CPS1: variants seen among roughly 807,000 people sequenced by gnomAD.
The protein encoded by CPS1 is carbamoyl-phosphate synthase [ammonia], mitochondrial.
A neutral mutation model predicts 174.6 loss-of-function variants in CPS1; 109 were observed. That is an observed-to-expected ratio of 0.62 (90% CI 0.53 to 0.73). The LOEUF is 0.73. Ranked by LOEUF, CPS1 falls within the 30% of genes least tolerant of loss-of-function variation. The pLI is 0.00. For synonymous variants in CPS1, 637 were observed against 632.0 expected, an observed-to-expected ratio of 1.01 and a Z score of -0.12; for missense variants, 1,689 against 1,821.9, an observed-to-expected ratio of 0.93 and a Z score of 1.33.
At chr2:210,518,018 A>T (rs570053619) in intron 1 of CPS1, among the ~76,000 whole-genome samples, 11 of 152,086 alleles carry the variant, frequency 7.2e-5, no homozygotes, top group African/African-American at 2.6e-4. Flanking sequence ...GTAGCAGTAG[A>T]TTGCTGTTGG....
intron 1 of CPS1, among the ~76,000 whole-genome samples, chr2:210,538,914 A>C (rs1345460239): frequency 6.6e-6 from 1 of 152,076 alleles, no homozygotes; most frequent in African/African-American, 2.4e-5. Flanking sequence ...TCAGAGGAAA[A>C]ATTTATTACT....
intron 24 of CPS1, among the ~76,000 whole-genome samples, chr2:210,641,930 C>G (rs569245881): frequency 1.3e-5 from 2 of 152,180 alleles, no homozygotes; most frequent in Non-Finnish European, 2.9e-5. Context: ...GAAGGTCACT[C>G]ACTCTGCATG....
At chr2:210,535,178 C>T (rs1696214211) in intron 1 of CPS1, among the ~76,000 whole-genome samples, 1 of 152,206 alleles carries the variant, frequency 6.6e-6, no homozygotes, top group Admixed American at 6.5e-5. Flanking sequence ...TTAAGCTCAT[C>T]TGCCTGAAAC....
chr2:210,589,778 G>A (rs1698223503), intron 7 of CPS1, among the ~76,000 whole-genome samples: 1 of 151,890 alleles, frequency 6.6e-6, no homozygotes, highest in South Asian at 2.1e-4. Context: ...TCCCACCTCA[G>A]TTTTCTGGGT....
At position 210,594,740 on chromosome 2, in the gene CPS1, A is replaced by AT. The variant is rs368109103; in HGVS notation, c.1263+138dup. 43 of 687,418 alleles carry AT rather than the reference A, an allele frequency of 6.3e-5. 1 individual carries two copies. In the African/African-American group the frequency reaches 6.8e-4, roughly 11 times the overall value. 42.6% of individuals were successfully genotyped at this position (687,418 alleles called of 1,614,324 possible). ...ACTGGTAATATTGTAATAGACTGTC[A>AT]TTTTGTAACTAATTATTTGGTTCCT... is the stretch of plus-strand genomic sequence containing the variant. On this transcript the variant is annotated intron_variant, in intron 12 of 37. Coordinates refer to ENST00000233072, the MANE Select transcript of CPS1 (RefSeq NM_001875.5).
chr2:210,606,562 CAG>C (rs1292808122), intron 17 of CPS1, among the ~76,000 whole-genome samples, 167 bp from the exon 18 acceptor site: 1 of 151,758 alleles, frequency 6.6e-6, no homozygotes, highest in Non-Finnish European at 1.5e-5. Flanking sequence ...AGTACTGTAT[CAG>C]AGTAATATGG....
intron 1 of CPS1, among the ~76,000 whole-genome samples, chr2:210,541,338 A>G (rs866558793): frequency 2.0e-5 from 3 of 152,164 alleles, no homozygotes; most frequent in Non-Finnish European, 2.9e-5. Context: ...AATGAAATGC[A>G]TATAATGTAG....
rs1701608543 is a variant in CPS1, at chr2:210,678,615, T to C, written c.*630T>C. 1 of 155,360 alleles carries C rather than the reference T, an allele frequency of 6.4e-6. No homozygotes were observed. The highest frequency in any genetic ancestry group is 2.4e-5 in the African/African-American group (1 of 41,456). 9.6% of individuals were successfully genotyped at this position (155,360 alleles called of 1,614,324 possible). ...CTTTTTCTTTTTCTTTTTTTCTTTT[T>C]GAGATGGAGTCACACTCTCCAGGCT... On this transcript the variant is annotated 3_prime_UTR_variant, in exon 38 of 38. Coordinates refer to ENST00000233072, the MANE Select transcript of CPS1 (RefSeq NM_001875.5).
At chr2:210,552,069 A>C (rs1696746996), upstream of CPS1, among the ~76,000 whole-genome samples, 1 of 151,816 alleles carries the variant, frequency 6.6e-6, no homozygotes, top group African/African-American at 2.4e-5. Context: ...CCTTGTTATG[A>C]TACTAAGGCT....
At chr2:210,665,456 C>A (rs1383349825) in intron 33 of CPS1, among the ~76,000 whole-genome samples, 1 of 149,124 alleles carries the variant, frequency 6.7e-6, no homozygotes, top group East Asian at 2.0e-4. Context: ...GGTATATCTC[C>A]TAATGCTATC....
intron 1 of CPS1, among the ~76,000 whole-genome samples, chr2:210,481,082 A>T (rs1694556983): frequency 6.6e-6 from 1 of 152,138 alleles, no homozygotes; most frequent in African/African-American, 2.4e-5. Flanking sequence ...CTTTCTCTCA[A>T]TGTACCTGCT....
intron 1 of CPS1, among the ~76,000 whole-genome samples, chr2:210,528,126 G>C (rs1460395620): frequency 3.3e-5 from 5 of 151,782 alleles, no homozygotes; most frequent in African/African-American, 1.2e-4. Flanking sequence ...GAGACTTGAA[G>C]TAGTACTCAA....
chr2:210,581,517 A>C (rs548001619), intron 5 of CPS1, among the ~76,000 whole-genome samples: 18 of 152,282 alleles, frequency 1.2e-4, no homozygotes, highest in Middle Eastern at 3.4e-3. Flanking sequence ...AGCATGTTTT[A>C]AGAAAAGGGG....
intron 10 of CPS1, 73 bp downstream of exon 10, chr2:210,592,042 G>T: frequency 1.4e-6 from 2 of 1,471,870 alleles, no homozygotes; most frequent in Non-Finnish European, 1.9e-6. Context: ...TGATACATAA[G>T]CATTGTATAT....
chr2:210,566,655 G>A (rs1697312439), intron 1 of CPS1, among the ~76,000 whole-genome samples: 1 of 152,264 alleles, frequency 6.6e-6, no homozygotes, highest in South Asian at 2.1e-4. Flanking sequence ...AACAGACTGG[G>A]TTCAGAAACC....
chr2:210,623,669 G>A (rs926827082), intron 21 of CPS1, among the ~76,000 whole-genome samples: 6 of 152,122 alleles, frequency 3.9e-5, no homozygotes, highest in African/African-American at 1.4e-4. Context: ...GGGCATTCAA[G>A]TGCTAAATTG....
intron 1 of CPS1, among the ~76,000 whole-genome samples, chr2:210,485,293 A>G (rs1337651057): frequency 1.3e-5 from 2 of 152,054 alleles, no homozygotes; most frequent in Non-Finnish European, 2.9e-5. Flanking sequence ...GGACATAAGT[A>G]AACGGTATCT....
At chr2:210,584,478 T>C (rs372624378) in intron 6 of CPS1, among the ~76,000 whole-genome samples, 2 of 152,260 alleles carry the variant, frequency 1.3e-5, no homozygotes, top group African/African-American at 4.8e-5. Flanking sequence ...TTTAAATAGA[T>C]GTATTCACCA....
At chr2:210,499,949 A>T (rs1559737150) in intron 1 of CPS1, among the ~76,000 whole-genome samples, 1 of 152,154 alleles carries the variant, frequency 6.6e-6, no homozygotes, top group Non-Finnish European at 1.5e-5. Context: ...TGGATAATTT[A>T]TAAGGAAAAA....
Sources: gnomAD v4.1 joint callset for allele counts (sites outside exome capture counted in the v4.1 genomes callset) on GRCh38, gnomAD v4.1.1 for gene constraint, MANE v1.5 for transcripts, NCBI Gene and HGNC (gene_info 2026-07-23, HGNC 2026-07-21) for gene names.